The following CR1 variants were observed in gnomAD, a reference collection of about 807,000 sequenced individuals.
CR1 encodes the protein complement receptor type 1.
CR1 carries 116 observed loss-of-function variants against 187.3 expected under a neutral mutation model. That is an observed-to-expected ratio of 0.62 (90% CI 0.53 to 0.72). The LOEUF (loss-of-function observed/expected upper bound fraction) is 0.72, where lower values mean the gene tolerates loss of function less well. Among genes scored for constraint, CR1 ranks in the 30% least tolerant of loss-of-function variants. The pLI is 0.00. For missense variants in CR1, 1,731 were observed against 2,110.7 expected (o/e 0.82, Z 3.52); for synonymous variants, 576 against 747.1 (o/e 0.77, Z 3.73).
chr1:207,634,614 G>A (rs1234011815), intron 46 of CR1, among the ~76,000 whole-genome samples: 6 of 143,140 alleles, frequency 4.2e-5, no homozygotes, highest in Middle Eastern at 3.4e-3. Flanking sequence ...AGTAATAACC[G>A]GGGAACAGAT....
intron 35 of CR1, among the ~76,000 whole-genome samples, chr1:207,593,240 G>A (rs563701301): frequency 3.3e-5 from 5 of 152,116 alleles, no homozygotes; most frequent in Admixed American, 6.6e-5. Context: ...AAACAGCATC[G>A]TACTGGTACC....
rs148593452 is a variant in CR1 at position 207,611,967 on chromosome 1, A to C, written c.6501A>C (p.Gln2167His). 487 of 1,613,794 alleles carry C rather than the reference A, an allele frequency of 3.0e-4. 3 individuals are homozygous for C. In the African/African-American group the frequency reaches 6.0e-3, roughly 20 times the overall value. Residue 2167 changes from glutamine (Q) to histidine (H), a missense_variant, in exon 39 of 47, where the codon CAA (glutamine) becomes CAC (histidine). Transcript: ENST00000367049. ...TVKSCDDFLG[Q>H]LPHGRVLLPL... ...AATCCTGTGATGACTTCCTGGGCCA[A>C]CTCCCTCATGGCCGTGTGCTACTTC...
chr1:207,623,637 C>G (rs928724928), intron 45 of CR1, among the ~76,000 whole-genome samples: 6 of 128,936 alleles, frequency 4.7e-5, no homozygotes, highest in African/African-American at 1.8e-4. Context: ...CACACACACA[C>G]AGCATTTTAA....
At chr1:207,518,497 T>C (rs1571512310) in intron 4 of CR1, among the ~76,000 whole-genome samples, 1 of 152,212 alleles carries the variant, frequency 6.6e-6, no homozygotes, top group East Asian at 1.9e-4. Flanking sequence ...CTGTAACAAA[T>C]TACCACAAAC....
intron 46 of CR1, among the ~76,000 whole-genome samples, chr1:207,634,110 T>G (rs1195351770): frequency 6.6e-6 from 1 of 152,180 alleles, no homozygotes; most frequent in Non-Finnish European, 1.5e-5. Context: ...TCACTTCTTT[T>G]GTGATTCTTC....
intron 35 of CR1, among the ~76,000 whole-genome samples, chr1:207,595,448 C>T (rs1302252310): frequency 6.6e-6 from 1 of 151,978 alleles, no homozygotes; most frequent in African/African-American, 2.4e-5. Context: ...GAAAATTATG[C>T]CATCCAAATA....
At chr1:207,586,124 T>TTGTTTTGTG (rs10636258) in intron 33 of CR1, among the ~76,000 whole-genome samples, 2 of 150,038 alleles carry the variant, frequency 1.3e-5, no homozygotes, top group African/African-American at 2.5e-5. Flanking sequence ...TTGTTTTGTT[T>TTGTTTTGTG]TGTGTGTGTG....
chr1:207,581,940 G>A lies in CR1; in HGVS notation c.5239G>A (p.Val1747Ile), dbSNP rs200884156. The A allele has an allele frequency of 3.2e-4, 509 of 1,613,056 alleles. 2 individuals carry two copies. The highest frequency in any genetic ancestry group is 2.7e-5 in the African/African-American group (2 of 74,880). The change falls in exon 32 of 47, where the codon GTT (valine) becomes ATT (isoleucine). Residue 1747 changes from valine (V) to isoleucine (I), a missense_variant. Val to Ile is a conservative substitution (Grantham distance 29). Transcript: ENST00000367049. The stretch of plus-strand genomic sequence containing the variant: ...TAGGTTTCGCTTAAAGGGCAGTTCC[G>A]TTAGTCATTGTGTCTTGGTTGGAAT... ...DEGFRLKGSS[V>I]SHCVLVGMRS...
chr1:207,593,424 G>C (rs935862710), intron 35 of CR1, among the ~76,000 whole-genome samples: 1 of 152,146 alleles, frequency 6.6e-6, no homozygotes, highest in African/African-American at 2.4e-5. Context: ...ACTGAAGCTG[G>C]ACCCCTTCCT....
rs760431233 is a variant in CR1, at chr1:207,577,941, G to C, written c.4674G>C (p.Val1558=). 2.5e-6 allele frequency: 4 copies of C among 1,611,980 alleles called. No individual in the cohort carries two copies. In the Admixed American group the frequency reaches 6.7e-5, roughly 27 times the overall value. ...GSRGRKVFEL[V]GEPSIYCTSN... Reference sequence around the variant, plus strand: ...GAGGGAGAAAGGTGTTTGAGCTTGTGGGTGAGCCCTCCATATACTGCACCA... The same window carrying C: ...GAGGGAGAAAGGTGTTTGAGCTTGTCGGTGAGCCCTCCATATACTGCACCA... Residue 1558 remains valine (V), a synonymous_variant, in exon 29 of 47, where the codon GTG becomes GTC. Coordinates refer to ENST00000367049, the MANE Select transcript of CR1 (RefSeq NM_000651.6).
At chr1:207,519,631 A>C (rs1659912848) in intron 4 of CR1, among the ~76,000 whole-genome samples, 1 of 152,214 alleles carries the variant, frequency 6.6e-6, no homozygotes. Context: ...TACGTTTTGC[A>C]AAAAGAAAAG....
At chr1:207,622,068 A>C (rs2102404428) in intron 44 of CR1, 72 bp downstream of exon 44, 1 of 1,254,778 alleles carries the variant, frequency 8.0e-7, no homozygotes, top group Middle Eastern at 1.9e-4. Context: ...TAATGAATGA[A>C]ATGTAAAAAG....
At position 207,496,398 on chromosome 1, in the gene CR1, G is replaced by T. The variant is rs760378534; in HGVS notation, c.121+10G>T. The stretch of plus-strand genomic sequence containing the variant: ...CTGCCGGTGGCCTGGGGTGAGAGGC[G>T]GGCGGGCGTGGGGAGGCGCCCGGGC... On this transcript the variant is annotated intron_variant, in intron 1 of 46. Transcript: ENST00000367049. The T allele has an allele frequency of 4.0e-5, 64 of 1,601,708 alleles. No homozygotes were observed. Among genetic ancestry groups the T allele is most frequent in the Admixed American group, 1.7e-5 (1 of 58,154 alleles).
intron 31 of CR1, 21 bp downstream of exon 31, chr1:207,580,634 A>G (rs369551852): frequency 2.4e-4 from 390 of 1,600,348 alleles, no homozygotes; most frequent in Non-Finnish European, 3.3e-4. Flanking sequence ...CCCAGAATTC[A>G]GATCAGGGAC....
intron 5 of CR1, among the ~76,000 whole-genome samples, chr1:207,524,211 G>A (rs1261973022): frequency 1.3e-5 from 2 of 152,048 alleles, no homozygotes. Flanking sequence ...CCTGGGCAAG[G>A]GATATGATGT....
chr1:207,597,272 A>G (rs912725139), intron 35 of CR1, among the ~76,000 whole-genome samples: 1 of 152,140 alleles, frequency 6.6e-6, no homozygotes, highest in Non-Finnish European at 1.5e-5. Context: ...ATAATAGTAA[A>G]TGTGAATGAT....
At chr1:207,587,273 C>A in intron 33 of CR1, 113 bp from the exon 34 acceptor site, 1 of 906,502 alleles carries the variant, frequency 1.1e-6, no homozygotes, top group Non-Finnish European at 1.6e-6. Flanking sequence ...TTTTGCTATT[C>A]TTGTAAGTCT....
In CR1 at chr1:207,622,045, A is replaced by G; in HGVS notation, c.7276+49A>G. ...GAGGAATTCTGGCATCTATAACAGT[A>G]AGTACCTACCTATAATGAATGAAAT... On this transcript the variant is annotated intron_variant, in intron 44 of 46. Coordinates refer to ENST00000367049, the MANE Select transcript of CR1 (RefSeq NM_000651.6). 1.4e-6 allele frequency: 2 copies of G among 1,444,974 alleles called. 1 individual carries two copies. The allele number at this position is 1,444,974 out of a possible 1,614,324, so 89.5% of individuals were successfully genotyped here. A position where few individuals can be genotyped will look rare whatever the true frequency, so the allele number is the denominator to read the frequency against.
intron 41 of CR1, 57 bp from the exon 42 acceptor site, chr1:207,618,014 T>C (rs1662199521): frequency 6.4e-7 from 1 of 1,562,468 alleles, no homozygotes. Context: ...CATGTATTCA[T>C]ATGTCTATGT....
Sources: gnomAD v4.1 joint callset for allele counts (sites outside exome capture counted in the v4.1 genomes callset) on GRCh38, gnomAD v4.1.1 for gene constraint, MANE v1.5 for transcripts, NCBI Gene and HGNC (gene_info 2026-07-23, HGNC 2026-07-21) for gene names.